Variants in SERPINC1 observed in about 807,000 individuals in gnomAD.
SERPINC1 encodes antithrombin-III.
SERPINC1 carries 12 observed loss-of-function variants against 43.4 expected under a neutral mutation model. The observed-to-expected ratio is 0.28, with a 90% CI of 0.18 to 0.45. The LOEUF is 0.45. SERPINC1 is among the 20% of genes least tolerant of loss of function. The probability of loss-of-function intolerance (pLI) is 1.00; values close to 1 mark genes in which losing one functional copy is unlikely to be tolerated. For synonymous variants in SERPINC1, 210 were observed against 218.9 expected (o/e 0.96, Z 0.36); for missense variants, 423 against 578.8 (o/e 0.73, Z 2.76).
chr1:173,905,561 A>G (rs1362520571), intron 6 of SERPINC1, among the ~76,000 whole-genome samples: 1 of 152,144 alleles, frequency 6.6e-6, no homozygotes. Flanking sequence ...CTCTACTAAA[A>G]ATACAAAAAT....
At chr1:173,905,020 A>C (rs967137091) in intron 6 of SERPINC1, among the ~76,000 whole-genome samples, 4 of 152,190 alleles carry the variant, frequency 2.6e-5, no homozygotes, top group African/African-American at 9.7e-5. Context: ...CATATTGTGT[A>C]CTGGGCTCAG....
intron 5 of SERPINC1, among the ~76,000 whole-genome samples, chr1:173,908,545 C>T (rs955504684): frequency 9.5e-5 from 14 of 147,336 alleles, no homozygotes; most frequent in African/African-American, 2.0e-4. Flanking sequence ...TACTTAACAT[C>T]GTAAACTTAT....
rs185999451 is a variant in SERPINC1 at position 173,905,860 on chromosome 1, C to T, written c.1218+1590G>A. ...ACACCTTGGACTTGCCATCTCAGAA[C>T]TACTCTACCTTTGAAATTATATTAA... On this transcript the variant is annotated intron_variant, in intron 6 of 6. Transcript: ENST00000367698. Among the ~76,000 whole-genome samples the T allele has an allele frequency of 2.4e-3, 363 of 152,298 alleles. 1 individual carries two copies. The highest frequency in any genetic ancestry group is 3.3e-3 in the Non-Finnish European group (223 of 68,014).
rs1280660055 is a variant in SERPINC1 at position 173,914,645 on chromosome 1, C to T, written c.316G>A (p.Asp106Asn). ...QHLADSKNDN[D>N]NIFLSPLSIS... ...CTCAGGGGTGACAGGAAAATGTTATCATTGTCATTCTTGGAATCTGCCAGG... is the reference window on the plus strand; with the variant it reads ...CTCAGGGGTGACAGGAAAATGTTATTATTGTCATTCTTGGAATCTGCCAGG... The change falls in exon 2 of 7, where the codon GAT becomes AAT. Residue 106 changes from aspartate (D) to asparagine (N), a missense_variant. By Grantham distance (23) the Asp-to-Asn change is conservative. Coordinates refer to ENST00000367698, the MANE Select transcript of SERPINC1 (RefSeq NM_000488.4). 1.2e-6 allele frequency: 2 copies of T among 1,614,096 alleles called. No individual in the cohort carries two copies. Among genetic ancestry groups the T allele is most frequent in the Non-Finnish European group, 1.7e-6 (2 of 1,180,044 alleles).
chr1:173,909,507 C>A (rs1231347260), intron 5 of SERPINC1, 45 bp downstream of exon 5: 1 of 1,607,114 alleles, frequency 6.2e-7, no homozygotes, highest in Non-Finnish European at 8.5e-7. Flanking sequence ...TTTGGTCAGA[C>A]TACCTTGCGG....
chr1:173,914,966 C>G (rs772089599), intron 1 of SERPINC1, 47 bp from the exon 2 acceptor site: 14 of 1,592,880 alleles, frequency 8.8e-6, no homozygotes, highest in Non-Finnish European at 9.4e-6. Flanking sequence ...CAACCCCTAG[C>G]CCCACTGCCC....
At chr1:173,909,517 G>T in intron 5 of SERPINC1, 35 bp downstream of exon 5, 4 of 1,610,558 alleles carry the variant, frequency 2.5e-6, no homozygotes, top group South Asian at 1.1e-5. Flanking sequence ...CTACCTTGCG[G>T]GTGGAGAAGG....
rs140452859 is a variant in SERPINC1, at chr1:173,910,823, G to C, written c.693C>G (p.Thr231=). The part of the protein sequence containing the change: ...WVSNKTEGRI[T]DVIPSEAINE... ...TGATGGCTTCCGAGGGAATGACATC[G>C]GTGATTCGGCCTTCGGTCTTATTGG... The change falls in exon 4 of 7, where the codon ACC becomes ACG. Residue 231 remains threonine (T), a synonymous_variant. Transcript: ENST00000367698. 35 of 1,613,738 alleles carry C rather than the reference G, an allele frequency of 2.2e-5. No individual in the cohort carries two copies. The Admixed American group carries it at 5.7e-4, about 26-fold the overall frequency.
chr1:173,905,565 C>G (rs1042026614), intron 6 of SERPINC1, among the ~76,000 whole-genome samples: 11 of 151,862 alleles, frequency 7.2e-5, no homozygotes, highest in African/African-American at 2.7e-4. Flanking sequence ...ACTAAAAATA[C>G]AAAAATTTAG....
At chr1:173,910,630 C>G in intron 4 of SERPINC1, 124 bp downstream of exon 4, 1 of 798,314 alleles carries the variant, frequency 1.3e-6, no homozygotes, top group South Asian at 1.4e-5. Context: ...CTGACCTGTA[C>G]CTGTGTAGCT....
In SERPINC1 at chr1:173,917,283, G is replaced by A. The variant is rs1658033521; in HGVS notation, c.-24C>T. 1 of 1,611,622 alleles carries A rather than the reference G, an allele frequency of 6.2e-7. No homozygotes were observed. The highest frequency in any genetic ancestry group is 8.5e-7 in the Non-Finnish European group (1 of 1,177,966). On this transcript the variant is annotated 5_prime_UTR_variant, in exon 1 of 7. Transcript: ENST00000367698. ...ATGGCCGCTAATCTTCCACAGGGCT[G>A]GGCAAGTGGAGATAGTGTGATCTGA...
chr1:173,905,209 A>T (rs550803940), intron 6 of SERPINC1, among the ~76,000 whole-genome samples: 5 of 152,358 alleles, frequency 3.3e-5, no homozygotes, highest in African/African-American at 1.2e-4. Context: ...CCAAAAATCC[A>T]TGTGAAAGAG....
intron 5 of SERPINC1, among the ~76,000 whole-genome samples, chr1:173,908,683 C>A (rs891536689): frequency 1.3e-5 from 2 of 152,026 alleles, no homozygotes; most frequent in African/African-American, 4.8e-5. Context: ...AGCTCTGCCT[C>A]CCAAGAAGCT....
In SERPINC1 at chr1:173,917,231, G is replaced by T. The variant is rs61736655; in HGVS notation, c.29C>A (p.Thr10Asn). The change falls in exon 1 of 7, where the codon ACC (threonine) becomes AAC (asparagine). Residue 10 changes from threonine to asparagine, a missense_variant. Transcript: ENST00000367698. MYSNVIGTVTSGKRKVYLLS... is the reference protein window; with the variant it reads MYSNVIGTVNSGKRKVYLLS... ...TCACCCCTCTTACCTTTTTCCAGAG[G>T]TTACAGTTCCTATCACATTGGAATA... 3.9e-4 allele frequency: 637 copies of T among 1,614,034 alleles called. 1 individual carries two copies. The highest frequency in any genetic ancestry group is 4.9e-4 in the Non-Finnish European group (580 of 1,179,970).
At chr1:173,913,182 T>G (rs1342966244) in intron 2 of SERPINC1, among the ~76,000 whole-genome samples, 1 of 152,194 alleles carries the variant, frequency 6.6e-6, no homozygotes, top group African/African-American at 2.4e-5. Context: ...TCCCTATTGA[T>G]GAACTCTGCT....
chr1:173,914,214 A>G (rs1476503016), intron 2 of SERPINC1, among the ~76,000 whole-genome samples: 1 of 152,226 alleles, frequency 6.6e-6, no homozygotes, highest in East Asian at 1.9e-4. Context: ...GGAAGTGCTG[A>G]ATGAATAAAT....
Position 173,903,986 on chromosome 1 carries a change from G to T in SERPINC1, c.1298C>A (p.Thr433Asn). 2.2e-5 allele frequency: 35 copies of T among 1,614,184 alleles called. No homozygotes were observed. Among genetic ancestry groups the T allele is most frequent in the Non-Finnish European group, 2.9e-5 (34 of 1,180,008 alleles). Reference protein sequence around the residue: ...AGRSLNPNRVTFKANRPFLVF... With the variant: ...AGRSLNPNRVNFKANRPFLVF... ...CAGGAAAGGCCTGTTGGCCTTGAAA[G>T]TCACCCTGTTGGGGTTTAGCGAACG... The change falls in exon 7 of 7, where the codon ACT (threonine) becomes AAT (asparagine). Residue 433 changes from threonine to asparagine, a missense_variant. Transcript: ENST00000367698.
chr1:173,914,610 C>T lies in SERPINC1; in HGVS notation c.351G>A (p.Thr117=), dbSNP rs200810296. 1.3e-5 allele frequency: 21 copies of T among 1,614,146 alleles called. No individual in the cohort carries two copies. Among genetic ancestry groups the T allele is most frequent in the South Asian group, 5.5e-5 (5 of 91,076 alleles). ...CACCCAGCTTGGTCATAGCAAAAGC[C>T]GTGGAGATACTCAGGGGTGACAGGA... ...NIFLSPLSIS[T]AFAMTKLGAC... The change falls in exon 2 of 7, where the codon ACG becomes ACA. Residue 117 remains threonine (T), a synonymous_variant. Transcript: ENST00000367698.
At chr1:173,907,071 C>T (rs2102778280) in intron 6 of SERPINC1, among the ~76,000 whole-genome samples, 1 of 151,714 alleles carries the variant, frequency 6.6e-6, no homozygotes, top group Non-Finnish European at 1.5e-5. Context: ...TGAGCTGTCG[C>T]ACCATTGCAC....
Sources: gnomAD v4.1 joint callset for allele counts (sites outside exome capture counted in the v4.1 genomes callset) on GRCh38, gnomAD v4.1.1 for gene constraint, MANE v1.5 for transcripts, NCBI Gene and HGNC (gene_info 2026-07-23, HGNC 2026-07-21) for gene names.